Variants in BSDC1 observed in about 807,000 individuals in gnomAD.
The protein encoded by BSDC1 is BSD domain-containing protein 1.
In BSDC1, 29 loss-of-function variants were observed where a neutral mutation model predicts 56.0. That is an observed-to-expected ratio of 0.52 (90% CI 0.39 to 0.71). BSDC1 has a LOEUF of 0.71. Among genes scored for constraint, BSDC1 ranks in the 30% least tolerant of loss-of-function variants. The pLI, the probability that BSDC1 is intolerant of heterozygous loss-of-function variation, is 0.00. For synonymous variants in BSDC1, 210 were observed against 215.3 expected (o/e 0.98, Z 0.21); for missense variants, 477 against 548.5 (o/e 0.87, Z 1.30).
intron 2 of BSDC1, among the ~76,000 whole-genome samples, chr1:32,392,145 A>G (rs958283021): frequency 6.6e-6 from 1 of 152,128 alleles, no homozygotes; most frequent in Admixed American, 6.6e-5. Flanking sequence ...CAGCCTGGCC[A>G]ACATGGTGAA....
At chr1:32,375,159 A>C (rs540425407) in intron 9 of BSDC1, among the ~76,000 whole-genome samples, 4 of 152,036 alleles carry the variant, frequency 2.6e-5, no homozygotes, top group South Asian at 4.2e-4. Context: ...CAAAAAAAAA[A>C]CAATAAAAAC....
intron 1 of BSDC1, 46 bp downstream of exon 1, chr1:32,394,358 G>A (rs373009907): frequency 6.8e-6 from 11 of 1,613,820 alleles, no homozygotes; most frequent in African/African-American, 5.3e-5. Flanking sequence ...CCCCAACCCT[G>A]GGAGAATTCA....
chr1:32,368,023 T>A (rs977967803), intron 10 of BSDC1: 18 of 1,185,696 alleles, frequency 1.5e-5, no homozygotes, highest in Non-Finnish European at 1.8e-5. Context: ...ATGTCTGTTT[T>A]CTTTTTTCCT....
At chr1:32,388,957 C>CT (rs756507594) in intron 2 of BSDC1, among the ~76,000 whole-genome samples, 2,274 of 141,168 alleles carry the variant, frequency 0.016, 48 homozygotes, top group African/African-American at 0.041. Context: ...TCTTTTTTTT[C>CT]TTTTTTTTTT....
Position 32,378,967 on chromosome 1 carries a change from G to T in BSDC1, c.413-128C>A. Reference sequence around the variant, plus strand: ...TGTGTATTCAAAGCCACTTAGCCAAGGGTAGGGGGTCAGGCAGGGTGAAGG... The same window carrying T: ...TGTGTATTCAAAGCCACTTAGCCAATGGTAGGGGGTCAGGCAGGGTGAAGG... On this transcript the variant is annotated intron_variant, in intron 5 of 10. Transcript: ENST00000455895. The surrounding 1 kb of genome is among the most constrained non-coding windows in gnomAD (Gnocchi z 5.2). 2 of 574,618 alleles carry T rather than the reference G, an allele frequency of 3.5e-6. No individual in the cohort carries two copies. The highest frequency in any genetic ancestry group is 5.6e-6 in the Non-Finnish European group (2 of 355,452). 35.6% of individuals were successfully genotyped at this position (574,618 alleles called of 1,614,324 possible).
Position 32,365,409 on chromosome 1 carries a change from G to C in BSDC1, c.*1213C>G, listed in dbSNP as rs1186287354. The C allele has an allele frequency of 1.3e-5, 2 of 152,156 alleles. No individual in the cohort carries two copies. The highest frequency in any genetic ancestry group is 3.9e-4 in the East Asian group (2 of 5,166). 9.4% of individuals were successfully genotyped at this position (152,156 alleles called of 1,614,324 possible). The stretch of plus-strand genomic sequence containing the variant: ...TCTCCATCCCACCCCCTCACTGAAG[G>C]TTTGAAGTGGAAGTGACCTCACTCT... On this transcript the variant is annotated 3_prime_UTR_variant, in exon 11 of 11. Coordinates refer to ENST00000455895, the MANE Select transcript of BSDC1 (RefSeq NM_018045.8).
At chr1:32,386,025 G>C (rs1434113322) in intron 3 of BSDC1, among the ~76,000 whole-genome samples, 1 of 151,854 alleles carries the variant, frequency 6.6e-6, no homozygotes, top group East Asian at 1.9e-4. Context: ...TGCAGTTTAA[G>C]TAAAAAAATA....
At chr1:32,375,666 C>T (rs933724247) in intron 9 of BSDC1, among the ~76,000 whole-genome samples, 1 of 152,178 alleles carries the variant, frequency 6.6e-6, no homozygotes, top group African/African-American at 2.4e-5. Flanking sequence ...ATTATTTCTT[C>T]TTTAAACTGT....
chr1:32,365,709 C>G lies in BSDC1; in HGVS notation c.*913G>C, dbSNP rs1441385056. 1.3e-5 allele frequency: 2 copies of G among 152,634 alleles called. No homozygotes were observed. The highest frequency in any genetic ancestry group is 2.4e-5 in the African/African-American group (1 of 41,448). 9.5% of individuals were successfully genotyped at this position (152,634 alleles called of 1,614,324 possible). ...AAGCAGAAGGGCTGAGGCGGAGAAG[C>G]TAGGCTTACCAGAGTTGTAAGTACT... On this transcript the variant is annotated 3_prime_UTR_variant, in exon 11 of 11. Coordinates refer to ENST00000455895, the MANE Select transcript of BSDC1 (RefSeq NM_018045.8).
chr1:32,379,385 T>A (rs1346302377), intron 5 of BSDC1, among the ~76,000 whole-genome samples: 1 of 152,080 alleles, frequency 6.6e-6, no homozygotes, highest in East Asian at 1.9e-4. Context: ...AACCTCATCC[T>A]CCCACTGATA....
chr1:32,382,210 G>C (rs1449610165), intron 4 of BSDC1, among the ~76,000 whole-genome samples: 1 of 141,182 alleles, frequency 7.1e-6, no homozygotes, highest in South Asian at 2.2e-4. Context: ...CTGGGCGACA[G>C]AGAGAGACTC....
chr1:32,381,418 G>GTGC, intron 4 of BSDC1, 150 bp from the exon 5 acceptor site: 1 of 773,936 alleles, frequency 1.3e-6, no homozygotes, highest in Non-Finnish European at 2.2e-6. Context: ...TAGCACTGTG[G>GTGC]CACAGAGAGT....
intron 2 of BSDC1, chr1:32,393,737 T>C: frequency 3.2e-6 from 1 of 317,052 alleles, no homozygotes; most frequent in South Asian, 4.9e-5. Flanking sequence ...TAAGTTTTTT[T>C]ACTGCTAGAA....
At chr1:32,389,779 C>T (rs1642800986) in intron 2 of BSDC1, among the ~76,000 whole-genome samples, 1 of 148,346 alleles carries the variant, frequency 6.7e-6, no homozygotes, top group African/African-American at 2.6e-5. Flanking sequence ...ATGGCAAAAC[C>T]GTCTCCACAC....
At chr1:32,371,303 CTTTT>C (rs963070889) in intron 9 of BSDC1, among the ~76,000 whole-genome samples, 1 of 117,842 alleles carries the variant, frequency 8.5e-6, no homozygotes, top group Non-Finnish European at 1.7e-5. Context: ...ACTTTGTAAT[CTTTT>C]TTTTTTTTTT....
At chr1:32,372,267 C>T (rs1236089558) in intron 9 of BSDC1, among the ~76,000 whole-genome samples, 1 of 152,216 alleles carries the variant, frequency 6.6e-6, no homozygotes, top group Non-Finnish European at 1.5e-5. Context: ...TCCCTCTGTG[C>T]CTTCAGGACA....
rs999276364 is a variant in BSDC1, at chr1:32,376,505, G to A, written c.913C>T (p.Leu305=). 6.2e-7 allele frequency: 1 copy of A among 1,603,046 alleles called. No individual in the cohort carries two copies. Among genetic ancestry groups the A allele is most frequent in the African/African-American group, 1.3e-5 (1 of 74,882 alleles). Residue 305 remains leucine, a synonymous_variant, in exon 9 of 11, where the codon CTG becomes TTG. Coordinates refer to ENST00000455895, the MANE Select transcript of BSDC1 (RefSeq NM_018045.8). ...APEARVLPKD[L]SQKLLEASLE... The stretch of plus-strand genomic sequence containing the variant: ...GATGCCTCTAGCAGCTTTTGGGACA[G>A]GTCCTTGGGTAGCACTCGTGCCTCA...
chr1:32,368,700 C>A, intron 9 of BSDC1, 150 bp from the exon 10 acceptor site: 8 of 960,088 alleles, frequency 8.3e-6, no homozygotes, highest in Non-Finnish European at 1.1e-5. Flanking sequence ...ACCAATCGTA[C>A]TTTTTTTTTT....
intron 10 of BSDC1, 80 bp from the exon 11 acceptor site, chr1:32,366,734 G>A (rs1570090634): frequency 2.8e-6 from 4 of 1,442,772 alleles, no homozygotes; most frequent in East Asian, 5.1e-5. Context: ...TCCACTTGCT[G>A]AGCAGAGCCA....
Sources: allele counts gnomAD v4.1 joint callset (sites outside exome capture counted in the v4.1 genomes callset), GRCh38; gene constraint gnomAD v4.1.1; non-coding constraint Gnocchi (gnomAD v3.1); transcripts MANE v1.5; gene names NCBI Gene and HGNC (gene_info 2026-07-23, HGNC 2026-07-21).